The following RAPGEF2 variants were observed in gnomAD, a reference collection of about 807,000 sequenced individuals.
The protein encoded by RAPGEF2 is PDZ domain containing guanine nucleotide exchange factor (GEF) 1.
In RAPGEF2, 54 loss-of-function variants were observed where a neutral mutation model predicts 186.7. The ratio of observed to expected loss-of-function variants is 0.29; its 90% CI spans 0.23 to 0.36. The LOEUF (loss-of-function observed/expected upper bound fraction) is 0.36. Ranked by LOEUF, RAPGEF2 falls within the 10% of genes least tolerant of loss-of-function variation. RAPGEF2 has a pLI of 1.00. For missense variants in RAPGEF2, 1,532 were observed against 2,045.0 expected (o/e 0.75, Z 4.84); for synonymous variants, 712 against 705.9 (o/e 1.01, Z -0.14).
At chr4:159,336,865 C>T (rs140335995) in intron 17 of RAPGEF2, among the ~76,000 whole-genome samples, 7 of 152,208 alleles carry the variant, frequency 4.6e-5, no homozygotes, top group African/African-American at 1.7e-4. Context: ...TTATTTATGA[C>T]ACCTTAGTTT....
chr4:159,256,277 C>T (rs1756152585), intron 7 of RAPGEF2, among the ~76,000 whole-genome samples: 1 of 152,168 alleles, frequency 6.6e-6, no homozygotes, highest in South Asian at 2.1e-4. Context: ...TGTGTTCCCT[C>T]TTAAAAGTGA....
intron 1 of RAPGEF2, among the ~76,000 whole-genome samples, chr4:159,182,674 G>A (rs1747144582): frequency 6.6e-6 from 1 of 152,250 alleles, no homozygotes; most frequent in African/African-American, 2.4e-5. Context: ...GGGATTACAG[G>A]CGTGAGCCAC....
chr4:159,267,343 G>A (rs980857453), intron 7 of RAPGEF2: 2 of 1,285,900 alleles, frequency 1.6e-6, no homozygotes, highest in Non-Finnish European at 2.0e-6. Flanking sequence ...TTGGTGTATT[G>A]CATTCAGACT....
intron 1 of RAPGEF2, among the ~76,000 whole-genome samples, chr4:159,139,959 A>G (rs1045065780): frequency 6.6e-6 from 1 of 152,216 alleles, no homozygotes; most frequent in Non-Finnish European, 1.5e-5. Flanking sequence ...AGGGAAATGG[A>G]GGCTCATGCT....
rs367650630 is a variant in RAPGEF2 at position 159,346,759 on chromosome 4, G to T, written c.3503-30G>T. On this transcript the variant is annotated intron_variant, in intron 24 of 29. Transcript: ENST00000691494. ...TACCTACTAGCATCTAAAATTCTTT[G>T]TTCTATTTTCAAACCCAAACAATTA... 2.1e-4 allele frequency: 340 copies of T among 1,583,146 alleles called. 1 individual carries two copies. The African/African-American group carries it at 4.3e-3, about 20-fold the overall frequency.
intron 2 of RAPGEF2, among the ~76,000 whole-genome samples, chr4:159,192,718 C>T (rs762441378): frequency 6.6e-6 from 1 of 152,106 alleles, no homozygotes; most frequent in Non-Finnish European, 1.5e-5. Context: ...AGTCAGTGGT[C>T]ATAAAAATAT....
chr4:159,249,272 T>G (rs1755015090), intron 7 of RAPGEF2, among the ~76,000 whole-genome samples: 1 of 149,286 alleles, frequency 6.7e-6, no homozygotes, highest in Admixed American at 6.8e-5. Context: ...CATGCTGATT[T>G]TAAAAAAAGT....
intron 8 of RAPGEF2, among the ~76,000 whole-genome samples, chr4:159,310,604 C>T (rs542702682): frequency 3.9e-5 from 6 of 151,972 alleles, no homozygotes; most frequent in African/African-American, 1.4e-4. Flanking sequence ...AATAGTGGAG[C>T]TTTCAGCATT....
intron 2 of RAPGEF2, among the ~76,000 whole-genome samples, chr4:159,187,183 C>G (rs1025364924): frequency 1.3e-5 from 2 of 152,174 alleles, no homozygotes; most frequent in African/African-American, 2.4e-5. Flanking sequence ...TTAAGTTTTA[C>G]TTTTACAAAG....
At chr4:159,238,222 A>G (rs1348007084) in intron 4 of RAPGEF2, among the ~76,000 whole-genome samples, 1 of 152,214 alleles carries the variant, frequency 6.6e-6, no homozygotes, top group African/African-American at 2.4e-5. Flanking sequence ...ACTCGTGCAG[A>G]GTTCTCAGGA....
Position 159,210,360 on chromosome 4 carries a change from T to C in RAPGEF2, c.198-140T>C, listed in dbSNP as rs145461745. 9.9e-4 allele frequency: 534 copies of C among 541,044 alleles called. 2 individuals are homozygous for C. Among genetic ancestry groups the C allele is most frequent in the African/African-American group, 8.9e-3 (470 of 52,698 alleles). The allele number at this position is 541,044 out of a possible 1,614,324, so 33.5% of individuals were successfully genotyped here. A position where few individuals can be genotyped will look rare whatever the true frequency, so the allele number is the denominator to read the frequency against. Reference sequence around the variant, plus strand: ...AAAAATGATTTCAGTAGTTGAATAATGGTATTTTTATGAATGTGTTGTATG... The same window carrying C: ...AAAAATGATTTCAGTAGTTGAATAACGGTATTTTTATGAATGTGTTGTATG... On this transcript the variant is annotated intron_variant, in intron 3 of 29. Coordinates refer to ENST00000691494, the MANE Select transcript of RAPGEF2 (RefSeq NM_001394067.2).
At chr4:159,354,183 T>G in intron 28 of RAPGEF2, 137 bp downstream of exon 28, 2 of 975,158 alleles carry the variant, frequency 2.1e-6, no homozygotes, top group Non-Finnish European at 2.9e-6. Context: ...AAATTAGTGG[T>G]GTGTTAAGGT....
intron 19 of RAPGEF2, among the ~76,000 whole-genome samples, chr4:159,341,222 G>A (rs1404417131): frequency 6.6e-6 from 1 of 152,152 alleles, no homozygotes; most frequent in Non-Finnish European, 1.5e-5. Flanking sequence ...CTGCCTTAGG[G>A]CCTAGTCCCT....
chr4:159,239,444 T>A (rs1753687028), intron 5 of RAPGEF2, among the ~76,000 whole-genome samples: 1 of 152,208 alleles, frequency 6.6e-6, no homozygotes. Context: ...CACTTGAATT[T>A]TTTCAAGTTA....
At chr4:159,285,026 G>GA (rs1233250018) in intron 7 of RAPGEF2, among the ~76,000 whole-genome samples, 1 of 152,108 alleles carries the variant, frequency 6.6e-6, no homozygotes, top group East Asian at 1.9e-4. Flanking sequence ...GTGACAGAGG[G>GA]AGACCCTGTC....
chr4:159,154,138 AACCATTAATATTTGGC>A (rs1375060770), intron 1 of RAPGEF2, among the ~76,000 whole-genome samples: 1 of 152,172 alleles, frequency 6.6e-6, no homozygotes, highest in East Asian at 1.9e-4. Flanking sequence ...ATGATTCTAT[AACCATTAATATTTGGC>A]AATGTAATTT....
chr4:159,243,113 G>GT (rs60305770), intron 6 of RAPGEF2, among the ~76,000 whole-genome samples: 4,866 of 144,592 alleles, frequency 0.034, 89 homozygotes, highest in Middle Eastern at 0.076. Flanking sequence ...ATTGTTACAA[G>GT]TTTTTTTTTT....
intron 1 of RAPGEF2, among the ~76,000 whole-genome samples, chr4:159,174,368 G>C (rs185908475): frequency 2.8e-3 from 424 of 152,292 alleles, no homozygotes; most frequent in Middle Eastern, 6.8e-3. Flanking sequence ...TACTTCATCT[G>C]TCCCTTAAAA....
intron 7 of RAPGEF2, among the ~76,000 whole-genome samples, chr4:159,292,528 C>G (rs1013488560): frequency 6.6e-6 from 1 of 152,188 alleles, no homozygotes; most frequent in Non-Finnish European, 1.5e-5. Context: ...CTCCCCAACA[C>G]AGACACACAA....
Sources: gnomAD v4.1 joint callset for allele counts (sites outside exome capture counted in the v4.1 genomes callset) on GRCh38, gnomAD v4.1.1 for gene constraint, MANE v1.5 for transcripts, NCBI Gene and HGNC (gene_info 2026-07-23, HGNC 2026-07-21) for gene names.